The following ARHGAP21 variants were observed in gnomAD, a reference collection of about 807,000 sequenced individuals.
ARHGAP21 encodes the protein rho GTPase-activating protein 21.
Under a neutral mutation model 164.6 loss-of-function variants are expected in ARHGAP21, and 38 were observed. The observed-to-expected ratio is 0.23, with a 90% confidence interval of 0.18 to 0.30. The LOEUF (loss-of-function observed/expected upper bound fraction) is 0.30, where lower values mean the gene tolerates loss of function less well. Among genes scored for constraint, ARHGAP21 ranks in the 10% least tolerant of loss-of-function variants. The pLI is 1.00. For synonymous variants in ARHGAP21, 766 were observed against 857.9 expected, an observed-to-expected ratio of 0.89 and a Z score of 1.87; for missense variants, 1,822 against 2,370.7, an observed-to-expected ratio of 0.77 and a Z score of 4.81.
At chr10:24,713,234 A>T (rs1272983158) in intron 2 of ARHGAP21, among the ~76,000 whole-genome samples, 1 of 152,184 alleles carries the variant, frequency 6.6e-6, no homozygotes, top group Non-Finnish European at 1.5e-5. Flanking sequence ...AAGGGCAAAG[A>T]AGTTGTGGGA....
intron 2 of ARHGAP21, among the ~76,000 whole-genome samples, chr10:24,715,099 G>A (rs1025328181): frequency 6.6e-6 from 1 of 152,034 alleles, no homozygotes. Flanking sequence ...TGAGCAGTGT[G>A]TATGCTTTTT....
intron 2 of ARHGAP21, among the ~76,000 whole-genome samples, chr10:24,690,549 A>C (rs1477383051): frequency 6.6e-6 from 1 of 152,098 alleles, no homozygotes; most frequent in African/African-American, 2.4e-5. Context: ...GAAAAACAGG[A>C]TGGGCGTGGT....
intron 4 of ARHGAP21, among the ~76,000 whole-genome samples, chr10:24,635,914 C>T (rs113966799): frequency 7.1e-4 from 108 of 152,282 alleles, no homozygotes; most frequent in African/African-American, 2.5e-3. Flanking sequence ...TATTCCTTTC[C>T]CTTCAGGGAG....
In ARHGAP21 at chr10:24,723,733, C is replaced by A; in HGVS notation, c.-552G>T. The A allele has an allele frequency of 6.8e-6, 1 of 146,558 alleles. No homozygotes were observed. Among genetic ancestry groups the A allele is most frequent in the South Asian group, 1.9e-4 (1 of 5,310 alleles). 9.1% of individuals were successfully genotyped at this position (146,558 alleles called of 1,614,324 possible). ...AGGCCGCCGCCCCCGGCCGGCCGCT[C>A]CCAGGCACCGCCGCGACCTGCCCCG... On this transcript the variant is annotated 5_prime_UTR_variant, in exon 1 of 26. Coordinates refer to ENST00000396432, the MANE Select transcript of ARHGAP21 (RefSeq NM_020824.4).
intron 2 of ARHGAP21, among the ~76,000 whole-genome samples, chr10:24,685,247 T>C (rs531025255): frequency 6.6e-6 from 1 of 152,250 alleles, no homozygotes; most frequent in African/African-American, 2.4e-5. Context: ...TGGAAAGAAA[T>C]AATTTGCTGA....
At chr10:24,600,529 A>T in intron 14 of ARHGAP21, 117 bp downstream of exon 14, 1 of 1,264,218 alleles carries the variant, frequency 7.9e-7, no homozygotes, top group Non-Finnish European at 1.1e-6. Flanking sequence ...CAACTGTTTT[A>T]CATGAAAATA....
intron 14 of ARHGAP21, among the ~76,000 whole-genome samples, chr10:24,599,317 C>CT (rs1191242774): frequency 1.3e-4 from 20 of 152,318 alleles, no homozygotes; most frequent in Admixed American, 5.9e-4. Flanking sequence ...AAATCCACAT[C>CT]TAAGTTCTTA....
intron 4 of ARHGAP21, among the ~76,000 whole-genome samples, chr10:24,650,340 G>A (rs1838030360): frequency 6.6e-6 from 1 of 152,128 alleles, no homozygotes; most frequent in East Asian, 1.9e-4. Context: ...GGGTAACACA[G>A]TGAGACCCCA....
intron 2 of ARHGAP21, among the ~76,000 whole-genome samples, chr10:24,676,378 G>A (rs980850143): frequency 3.9e-5 from 6 of 152,202 alleles, no homozygotes; most frequent in Admixed American, 1.3e-4. Flanking sequence ...ACTGGCATAG[G>A]AATGTGATTC....
At chr10:24,648,724 A>G in intron 4 of ARHGAP21, 5 of 830,204 alleles carry the variant, frequency 6.0e-6, no homozygotes, top group Non-Finnish European at 7.2e-6. Context: ...GGCTGCAGTG[A>G]GCCGAGATGG....
chr10:24,590,593 T>C, intron 24 of ARHGAP21: 1 of 1,432,764 alleles, frequency 7.0e-7, no homozygotes, highest in Middle Eastern at 1.9e-4. Context: ...ACATGCTAGA[T>C]TAGTGCAACA....
intron 24 of ARHGAP21, chr10:24,590,189 GA>G: frequency 1.4e-6 from 2 of 1,419,076 alleles, no homozygotes; most frequent in Non-Finnish European, 1.8e-6. Flanking sequence ...ATGACTTTAA[GA>G]ACTGGTAGAC....
At chr10:24,651,104 G>A (rs190983290) in intron 4 of ARHGAP21, among the ~76,000 whole-genome samples, 38 of 152,278 alleles carry the variant, frequency 2.5e-4, no homozygotes, top group African/African-American at 8.9e-4. Context: ...GCATGGAGGT[G>A]GGCTGTTCCT....
intron 2 of ARHGAP21, among the ~76,000 whole-genome samples, chr10:24,703,792 A>C (rs368309149): frequency 6.6e-6 from 1 of 152,036 alleles, no homozygotes; most frequent in Non-Finnish European, 1.5e-5. Flanking sequence ...AAGCTTTCCA[A>C]GGGTATCCGG....
Position 24,629,848 on chromosome 10 carries a change from A to G in ARHGAP21, c.495+148T>C, listed in dbSNP as rs979850668. On this transcript the variant is annotated intron_variant, in intron 7 of 25. Coordinates refer to ENST00000396432, the MANE Select transcript of ARHGAP21 (RefSeq NM_020824.4). ...TGGCAATGGTATTTTTGTAAAATGT[A>G]GAGAATTCCAGATTCTGTAAAAGGA... is the stretch of plus-strand genomic sequence containing the variant. 3 of 707,240 alleles carry G rather than the reference A, an allele frequency of 4.2e-6. No individual in the cohort carries two copies. The East Asian group carries it at 8.4e-5, about 20-fold the overall frequency. 43.8% of individuals were successfully genotyped at this position (707,240 alleles called of 1,614,324 possible).
intron 4 of ARHGAP21, among the ~76,000 whole-genome samples, chr10:24,647,698 C>T (rs1837715786): frequency 6.6e-6 from 1 of 152,170 alleles, no homozygotes. Context: ...GTACCAGGTA[C>T]TTACTAGGCA....
At position 24,585,026 on chromosome 10, in the gene ARHGAP21, C is replaced by T. The variant is rs1261518252; in HGVS notation, c.5263G>A (p.Glu1755Lys). 6.2e-6 allele frequency: 10 copies of T among 1,613,806 alleles called. No individual in the cohort carries two copies. The highest frequency in any genetic ancestry group is 8.5e-6 in the Non-Finnish European group (10 of 1,179,878). The change falls in exon 26 of 26, where the codon GAA becomes AAA. Residue 1755 changes from glutamate (E) to lysine (K), a missense_variant. Around this residue, in one of 5 missense-constraint regions of ARHGAP21, gnomAD observed 117 missense variants for 193.2 expected, o/e 0.61. Coordinates refer to ENST00000396432, the MANE Select transcript of ARHGAP21 (RefSeq NM_020824.4). ...GTTTTCCATGTGGGTTCCTGTTTTT[C>T]GGATTCGCCTCTGGTGGGTGTCAGT... is the stretch of plus-strand genomic sequence containing the variant. ...SLLTPTRGESEKQEPTWKTKI... is the reference protein window; with the variant it reads ...SLLTPTRGESKKQEPTWKTKI...
At chr10:24,650,186 A>C (rs926948068) in intron 4 of ARHGAP21, among the ~76,000 whole-genome samples, 1 of 152,198 alleles carries the variant, frequency 6.6e-6, no homozygotes, top group Non-Finnish European at 1.5e-5. Flanking sequence ...CACAGAAAAA[A>C]GGAGAGAGAA....
intron 2 of ARHGAP21, among the ~76,000 whole-genome samples, chr10:24,703,245 G>GT (rs1226599538): frequency 5.3e-5 from 8 of 152,048 alleles, no homozygotes; most frequent in African/African-American, 1.9e-4. Context: ...CCATGCATTT[G>GT]TAATTTTTAA....
Sources: gnomAD v4.1 joint callset for allele counts (sites outside exome capture counted in the v4.1 genomes callset) on GRCh38, gnomAD v4.1.1 for gene constraint, gnomAD v4.1.1 regional missense constraint, MANE v1.5 for transcripts, NCBI Gene and HGNC (gene_info 2026-07-23, HGNC 2026-07-21) for gene names.